Variants in MYH13 observed in about 807,000 individuals in gnomAD.
The protein encoded by MYH13 is myosin-13.
MYH13 carries 177 observed loss-of-function variants against 232.1 expected under a neutral mutation model. The ratio of observed to expected loss-of-function variants is 0.76; its 90% CI spans 0.67 to 0.86. The LOEUF (loss-of-function observed/expected upper bound fraction) is 0.86. Among genes scored for constraint, MYH13 ranks in the 40% least tolerant of loss-of-function variants. MYH13 has a pLI of 0.00. For synonymous variants in MYH13, 884 were observed against 923.5 expected (o/e 0.96, Z 0.78); for missense variants, 2,246 against 2,405.9 (o/e 0.93, Z 1.39).
chr17:10,368,350 T>C (rs958964786), intron 2 of MYH13, among the ~76,000 whole-genome samples: 4 of 152,238 alleles, frequency 2.6e-5, no homozygotes, highest in African/African-American at 9.6e-5. Flanking sequence ...AGAACATGTT[T>C]GCCAAATATC....
intron 8 of MYH13, 48 bp from the exon 9 acceptor site, chr17:10,355,195 G>A (rs1013864757): frequency 6.5e-7 from 1 of 1,541,774 alleles, no homozygotes. Flanking sequence ...GATTTATATG[G>A]TTTTGTGGCT....
chr17:10,303,131 G>A, intron 39 of MYH13, 65 bp downstream of exon 39: 1 of 1,442,586 alleles, frequency 6.9e-7, no homozygotes, highest in Non-Finnish European at 9.7e-7. Flanking sequence ...CAGGATGGCG[G>A]GGACACCCAG....
intron 7 of MYH13, among the ~76,000 whole-genome samples, chr17:10,359,277 T>A (rs1243528055): frequency 6.6e-6 from 1 of 152,100 alleles, no homozygotes; most frequent in East Asian, 1.9e-4. Flanking sequence ...GGAGGTTGAG[T>A]CAATCATCAA....
intron 37 of MYH13, among the ~76,000 whole-genome samples, chr17:10,305,441 T>G (rs1906244795): frequency 6.6e-6 from 1 of 152,230 alleles, no homozygotes; most frequent in Admixed American, 6.5e-5. Flanking sequence ...GCCTTGTTGT[T>G]TTTAGCACCT....
At chr17:10,347,308 T>C (rs2071673627) in intron 12 of MYH13, among the ~76,000 whole-genome samples, 1 of 152,124 alleles carries the variant, frequency 6.6e-6, no homozygotes, top group Non-Finnish European at 1.5e-5. Context: ...GAGGTTGCAG[T>C]GAGCCAAGAT....
chr17:10,350,247 T>C (rs2071698519), intron 12 of MYH13, among the ~76,000 whole-genome samples: 1 of 152,110 alleles, frequency 6.6e-6, no homozygotes. Context: ...CACCTAACAA[T>C]ATTGTCTCAA....
chr17:10,369,835 T>G (rs1272317616), intron 2 of MYH13, among the ~76,000 whole-genome samples: 1 of 152,232 alleles, frequency 6.6e-6, no homozygotes, highest in African/African-American at 2.4e-5. Flanking sequence ...GCACAACTCT[T>G]TTCCCTTTGA....
At chr17:10,349,951 C>T (rs2071696654) in intron 12 of MYH13, among the ~76,000 whole-genome samples, 1 of 152,210 alleles carries the variant, frequency 6.6e-6, no homozygotes, top group African/African-American at 2.4e-5. Context: ...GCTAAGAAGT[C>T]TAATGAGCAG....
intron 5 of MYH13, among the ~76,000 whole-genome samples, chr17:10,360,710 T>G (rs2071785153): frequency 6.6e-6 from 1 of 152,168 alleles, no homozygotes; most frequent in Non-Finnish European, 1.5e-5. Context: ...TACCTCAGAA[T>G]ATGACCTTAT....
Position 10,327,922 on chromosome 17 carries a change from C to T in MYH13, c.2635G>A (p.Glu879Lys), listed in dbSNP as rs1185615911. The T allele has an allele frequency of 1.9e-6, 3 of 1,613,924 alleles. No individual in the cohort carries two copies. The highest frequency in any genetic ancestry group is 1.1e-5 in the South Asian group (1 of 91,022). ...RSEARRKELE[E>K]KMVSLLQEKN... is the part of the protein sequence containing the mutation. ...TCCTGCAGGAGGGAGACCATTTTCTCCTCCAGCTCCTTCCGGCGAGCCTCA... is the reference window on the plus strand; with the variant it reads ...TCCTGCAGGAGGGAGACCATTTTCTTCTCCAGCTCCTTCCGGCGAGCCTCA... The change falls in exon 22 of 41, where the codon GAG (glutamate) becomes AAG (lysine). Residue 879 changes from glutamate (E) to lysine (K), a missense_variant. Glu to Lys is a moderately conservative substitution (Grantham distance 56). Coordinates refer to ENST00000252172, the MANE Select transcript of MYH13 (RefSeq NM_003802.3).
intron 11 of MYH13, among the ~76,000 whole-genome samples, chr17:10,351,234 A>AAAAAAAAAAAAAAAAAAAAG (rs796765349): frequency 1.3e-5 from 2 of 150,290 alleles, no homozygotes; most frequent in South Asian, 2.1e-4. Context: ...AAAAAAAAAA[A>AAAAAAAAAAAAAAAAAAAAG]AGAGAACTGA....
intron 29 of MYH13, 27 bp from the exon 30 acceptor site, chr17:10,313,381 C>G (rs768996567): frequency 4.3e-6 from 7 of 1,613,106 alleles, no homozygotes; most frequent in Non-Finnish European, 5.9e-6. Context: ...TGACAAATTG[C>G]AAAAACATTT....
chr17:10,313,880 C>T (rs757694792), intron 29 of MYH13, among the ~76,000 whole-genome samples: 30 of 152,324 alleles, frequency 2.0e-4, no homozygotes, highest in Non-Finnish European at 3.4e-4. Flanking sequence ...TTTGATGTCA[C>T]CACTGGGCTA....
intron 2 of MYH13, among the ~76,000 whole-genome samples, chr17:10,368,785 A>G (rs1187768680): frequency 6.6e-6 from 1 of 152,220 alleles, no homozygotes; most frequent in African/African-American, 2.4e-5. Context: ...GCCCTATTGC[A>G]TAAGGGAATC....
At chr17:10,338,491 T>C (rs554021679) in intron 18 of MYH13, among the ~76,000 whole-genome samples, 1 of 151,596 alleles carries the variant, frequency 6.6e-6, no homozygotes, top group East Asian at 1.9e-4. Flanking sequence ...ATAATAATAA[T>C]AATTAGCATC....
intron 2 of MYH13, among the ~76,000 whole-genome samples, chr17:10,365,875 G>GGGGC (rs1490055730): frequency 6.6e-6 from 1 of 150,884 alleles, no homozygotes. Flanking sequence ...GTGTGTGTGT[G>GGGGC]TGTGTGTGTG....
In MYH13 at chr17:10,304,584, T is replaced by C. The variant is rs1906213490; in HGVS notation, c.5467-1086A>G. Among the ~76,000 whole-genome samples the C allele has an allele frequency of 6.6e-6, 1 of 152,146 alleles. No homozygotes were observed. The highest frequency in any genetic ancestry group is 2.1e-4 in the South Asian group (1 of 4,826). On this transcript the variant is annotated intron_variant, in intron 37 of 40. Coordinates refer to ENST00000252172, the MANE Select transcript of MYH13 (RefSeq NM_003802.3). This position sits in a 1 kb window ranked among gnomAD's most constrained non-coding sequence, Gnocchi z 5.3. Reference sequence around the variant, plus strand: ...TACAGATCAAGTAAGGCAGCAGGGATCACGAAGAGAACCTGGGCCAGGAGT... The same window carrying C: ...TACAGATCAAGTAAGGCAGCAGGGACCACGAAGAGAACCTGGGCCAGGAGT...
At chr17:10,341,966 C>T (rs2071622565) in intron 16 of MYH13, among the ~76,000 whole-genome samples, 1 of 152,010 alleles carries the variant, frequency 6.6e-6, no homozygotes, top group South Asian at 2.1e-4. Flanking sequence ...TTTAAAATGG[C>T]ATATAATGTT....
At chr17:10,327,809 C>T (rs1352046262) in intron 22 of MYH13, 57 bp downstream of exon 22, 1 of 1,580,382 alleles carries the variant, frequency 6.3e-7, no homozygotes, top group Admixed American at 2.0e-5. Flanking sequence ...CAATGTTCCT[C>T]CCCCTTTTCT....
Sources: gnomAD v4.1 joint callset for allele counts (sites outside exome capture counted in the v4.1 genomes callset) on GRCh38, gnomAD v4.1.1 for gene constraint, Gnocchi (gnomAD v3.1) non-coding constraint, MANE v1.5 for transcripts, NCBI Gene and HGNC (gene_info 2026-07-23, HGNC 2026-07-21) for gene names.